The following DIPK2B variants were observed in gnomAD, a reference collection of about 807,000 sequenced individuals.
DIPK2B encodes the protein UPF0672 protein CXorf36.
In DIPK2B, 15 loss-of-function variants were observed where a neutral mutation model predicts 22.2. The ratio of observed to expected loss-of-function variants is 0.68; its 90% CI spans 0.45 to 1.04. The LOEUF is 1.04. Among genes scored for constraint, DIPK2B ranks in the 50% least tolerant of loss-of-function variants. DIPK2B has a pLI of 0.00. For synonymous variants in DIPK2B, 163 were observed against 153.2 expected, an observed-to-expected ratio of 1.06 and a Z score of -0.47; for missense variants, 345 against 348.3, an observed-to-expected ratio of 0.99 and a Z score of 0.08.
intron 1 of DIPK2B, among the ~76,000 whole-genome samples, chrX:45,196,832 T>C (rs1441219339): frequency 2.7e-5 from 3 of 112,059 alleles, no homozygotes; most frequent in South Asian, 7.4e-4. Flanking sequence ...CTTACTCATT[T>C]CCCTAGCTTC....
chrX:45,159,568 A>C (rs2047012216), intron 2 of DIPK2B, among the ~76,000 whole-genome samples: 1 of 111,720 alleles, frequency 9.0e-6, no homozygotes, highest in African/African-American at 3.3e-5. Flanking sequence ...AGTTAGCACC[A>C]GACTGTATTC....
At chrX:45,156,359 G>A (rs1163275660) in intron 3 of DIPK2B, among the ~76,000 whole-genome samples, 2 of 111,309 alleles carry the variant, frequency 1.8e-5, no homozygotes, top group African/African-American at 3.3e-5. Flanking sequence ...AGCCATTCCC[G>A]GGTTCCATGA....
At position 45,151,594 on chromosome X, in the gene DIPK2B, G is replaced by T; in HGVS notation, c.*58C>A. The T allele has an allele frequency of 9.2e-7, 1 of 1,087,668 alleles. No homozygotes were observed. Among genetic ancestry groups the T allele is most frequent in the South Asian group, 2.1e-5 (1 of 47,791 alleles). The allele number at this position is 1,087,668 out of a possible 1,213,427, so 89.6% of individuals were successfully genotyped here. ...GCTTCTTTCTACCTTGCAGCAACCC[G>T]ACTGGGAGAATGGAGAGCCAAGCGT... On this transcript the variant is annotated 3_prime_UTR_variant, in exon 5 of 5. Transcript: ENST00000398000.
intron 2 of DIPK2B, among the ~76,000 whole-genome samples, chrX:45,173,301 T>C (rs2047094459): frequency 9.1e-6 from 1 of 110,482 alleles, no homozygotes; most frequent in African/African-American, 3.3e-5. Context: ...ATTTGGGGTA[T>C]GGAGGTTTAC....
intron 2 of DIPK2B, 124 bp downstream of exon 2, chrX:45,191,627 G>C: frequency 1.2e-6 from 1 of 862,516 alleles, no homozygotes; most frequent in East Asian, 3.1e-5. Flanking sequence ...ACAGTGTTTT[G>C]TCACACTTCA....
chrX:45,179,755 A>G (rs1206309438), intron 2 of DIPK2B, among the ~76,000 whole-genome samples: 1 of 111,881 alleles, frequency 8.9e-6, no homozygotes, highest in African/African-American at 3.2e-5. Flanking sequence ...AAAATAATTG[A>G]AAAAAATACT....
At position 45,188,915 on chromosome X, in the gene DIPK2B, A is replaced by C. The variant is rs772165893; in HGVS notation, c.498+2836T>G. 2.9e-3 allele frequency among the ~76,000 whole-genome samples: 325 copies of C among 112,276 alleles called. 2 individuals are homozygous for C. The highest frequency in any genetic ancestry group is 0.01 in the African/African-American group (315 of 30,888). On this transcript the variant is annotated intron_variant, in intron 2 of 4. Transcript: ENST00000398000. ...TACCTATGTTGTAGTATGTATCAGC[A>C]CTTAATTCCTTTTTATGGCTGAATA...
At chrX:45,167,577 A>G (rs1452317452) in intron 2 of DIPK2B, among the ~76,000 whole-genome samples, 2 of 107,418 alleles carry the variant, frequency 1.9e-5, no homozygotes, top group Non-Finnish European at 3.8e-5. Flanking sequence ...TTTTTCTTTT[A>G]CTAAAGGTCT....
At chrX:45,189,069 T>A (rs760274633) in intron 2 of DIPK2B, among the ~76,000 whole-genome samples, 4 of 112,230 alleles carry the variant, frequency 3.6e-5, no homozygotes, top group South Asian at 3.7e-4. Flanking sequence ...CAAGTTTTTT[T>A]AAAAAAATAG....
intron 2 of DIPK2B, among the ~76,000 whole-genome samples, chrX:45,190,214 G>A (rs963812848): frequency 5.4e-5 from 6 of 111,971 alleles, no homozygotes; most frequent in Non-Finnish European, 9.4e-5. Flanking sequence ...AGAAAATGAA[G>A]GCACCCAGCA....
At chrX:45,197,708 T>C (rs1443829869) in intron 1 of DIPK2B, among the ~76,000 whole-genome samples, 1 of 111,465 alleles carries the variant, frequency 9.0e-6, no homozygotes, top group Non-Finnish European at 1.9e-5. Flanking sequence ...AAATTCAAAC[T>C]AAAAAAAAGT....
intron 4 of DIPK2B, among the ~76,000 whole-genome samples, chrX:45,152,943 A>G (rs2046969340): frequency 8.9e-6 from 1 of 111,925 alleles, no homozygotes; most frequent in African/African-American, 3.3e-5. Context: ...AAACAAAAAT[A>G]AAAATGAAAA....
chrX:45,194,352 C>T (rs1201904346), intron 1 of DIPK2B, among the ~76,000 whole-genome samples: 2 of 110,662 alleles, frequency 1.8e-5, no homozygotes, highest in South Asian at 3.9e-4. Context: ...TGGGTTTAAG[C>T]GATTCTTCTG....
intron 2 of DIPK2B, among the ~76,000 whole-genome samples, chrX:45,171,046 T>C (rs1462658852): frequency 1.8e-5 from 2 of 111,517 alleles, no homozygotes; most frequent in East Asian, 2.8e-4. Flanking sequence ...GGCCATACTG[T>C]CTTCTGGGGC....
intron 2 of DIPK2B, among the ~76,000 whole-genome samples, chrX:45,171,995 C>T (rs887900387): frequency 2.7e-5 from 3 of 111,989 alleles, no homozygotes; most frequent in Non-Finnish European, 5.6e-5. Context: ...ACTTAGGCAG[C>T]TGGTGGTCAG....
At chrX:45,197,527 C>T (rs1236128999) in intron 1 of DIPK2B, among the ~76,000 whole-genome samples, 2 of 111,890 alleles carry the variant, frequency 1.8e-5, no homozygotes, top group Admixed American at 9.5e-5. Flanking sequence ...TGAGCCACCT[C>T]GCCTGGCTGG....
At chrX:45,200,144 C>T (rs1325513609) in intron 1 of DIPK2B, among the ~76,000 whole-genome samples, 3 of 111,815 alleles carry the variant, frequency 2.7e-5, no homozygotes, top group Non-Finnish European at 5.6e-5. Context: ...GTCCCATCAT[C>T]TCACAGAGTT....
rs1422636293 is a variant in DIPK2B at position 45,150,072 on chromosome X, G to C, written c.*1580C>G. 9.0e-6 allele frequency: 1 copy of C among 111,478 alleles called. No individual in the cohort carries two copies. Among genetic ancestry groups the C allele is most frequent in the African/African-American group, 3.3e-5 (1 of 30,574 alleles). 9.2% of individuals were successfully genotyped at this position (111,478 alleles called of 1,213,427 possible). A position where few individuals can be genotyped will look rare whatever the true frequency, so the allele number is the denominator to read the frequency against. On this transcript the variant is annotated 3_prime_UTR_variant, in exon 5 of 5. Transcript: ENST00000398000. ...AATTTTTGTATTTTTAGTAAGGATGGGGTTTCACCATGTTGGCCAGGCTGG... is the reference window on the plus strand; with the variant it reads ...AATTTTTGTATTTTTAGTAAGGATGCGGTTTCACCATGTTGGCCAGGCTGG...
rs1378595399 is a variant in DIPK2B, at chrX:45,163,323, T to G, written c.499-5435A>C. 3 of 612,586 alleles carry G rather than the reference T, an allele frequency of 4.9e-6. No individual in the cohort carries two copies. The African/African-American group carries it at 7.4e-5, about 15-fold the overall frequency. The allele number at this position is 612,586 out of a possible 1,213,427, so 50.5% of individuals were successfully genotyped here. ...GTAAATCAATTCTTTGAAATAAATCTGGACATGTATATGTATCTCCTACTG... is the reference window on the plus strand; with the variant it reads ...GTAAATCAATTCTTTGAAATAAATCGGGACATGTATATGTATCTCCTACTG... On this transcript the variant is annotated intron_variant, in intron 2 of 4. Coordinates refer to ENST00000398000, the MANE Select transcript of DIPK2B (RefSeq NM_176819.4).
Sources: gnomAD v4.1 joint callset for allele counts (sites outside exome capture counted in the v4.1 genomes callset) on GRCh38, gnomAD v4.1.1 for gene constraint, MANE v1.5 for transcripts, NCBI Gene and HGNC (gene_info 2026-07-23, HGNC 2026-07-21) for gene names.